The following WDR86 variants were observed in gnomAD, a reference collection of about 807,000 sequenced individuals.
The protein encoded by WDR86 is WD repeat domain 86.
A neutral mutation model predicts 36.5 loss-of-function variants in WDR86; 30 were observed. The ratio of observed to expected loss-of-function variants is 0.82; its 90% CI spans 0.61 to 1.11. The LOEUF (loss-of-function observed/expected upper bound fraction) is 1.11, where lower values mean the gene tolerates loss of function less well. Ranked by LOEUF, WDR86 falls within the 50% of genes most tolerant of loss-of-function variation. The pLI, the probability that WDR86 is intolerant of heterozygous loss-of-function variation, is 0.00. For synonymous variants in WDR86, 255 were observed against 252.9 expected (o/e 1.01, Z -0.08); for missense variants, 545 against 561.2 (o/e 0.97, Z 0.29).
chr7:151,380,419 G>A (rs200684174), downstream of WDR86, among the ~76,000 whole-genome samples: 1 of 64,582 alleles, frequency 1.5e-5, no homozygotes, highest in Non-Finnish European at 5.3e-5. Context: ...TCCACTTGAA[G>A]GGGCTGCTCC....
intron 2 of WDR86, among the ~76,000 whole-genome samples, chr7:151,399,768 A>G (rs7808253): frequency 0.7 from 106,491 of 152,162 alleles, 37,354 homozygotes; most frequent in East Asian, 0.8. Context: ...GCCATTTCCT[A>G]TGGAATTTGT....
rs745905715 is a variant in WDR86 at position 151,385,167 on chromosome 7, C to T, written c.783G>A (p.Leu261=). The T allele has an allele frequency of 1.9e-6, 3 of 1,613,084 alleles. No individual in the cohort carries two copies. Among genetic ancestry groups the T allele is most frequent in the African/African-American group, 1.3e-5 (1 of 74,944 alleles). The change falls in exon 4 of 6, where the codon CTG becomes CTA. Residue 261 remains leucine (L), a synonymous_variant. Transcript: ENST00000334493. ...GSADRTVKCW[L]ADTGECVRTF... is the part of the protein sequence containing the mutation. ...TGCGCACACACTCCCCTGTGTCTGC[C>T]AGCCAGCACTTGACGGTCCTGTCCG...
At position 151,409,974 on chromosome 7, in the gene WDR86, G is replaced by C. The variant is rs1584809380; in HGVS notation, c.-385C>G. 6.9e-6 allele frequency: 7 copies of C among 1,014,984 alleles called. No homozygotes were observed. In the South Asian group the frequency reaches 3.2e-4, roughly 47 times the overall value. 62.9% of individuals were successfully genotyped at this position (1,014,984 alleles called of 1,614,324 possible). ...CCTCTCGCGCCCACGGGGCTGGGGC[G>C]GGGAGAGGAACACGGGAAGCCGAGC... On this transcript the variant is annotated 5_prime_UTR_variant, in exon 1 of 6. Transcript: ENST00000334493. This position sits in a 1 kb window ranked among gnomAD's most constrained non-coding sequence, Gnocchi z 5.2.
intron 3 of WDR86, among the ~76,000 whole-genome samples, chr7:151,387,477 C>A (rs952686119): frequency 6.6e-6 from 1 of 152,144 alleles, no homozygotes; most frequent in Non-Finnish European, 1.5e-5. Flanking sequence ...TAGCTGGTTT[C>A]CTGACAGGAC....
At chr7:151,402,581 G>A (rs576312249) in intron 1 of WDR86, among the ~76,000 whole-genome samples, 7 of 152,332 alleles carry the variant, frequency 4.6e-5, no homozygotes, top group African/African-American at 7.2e-5. Context: ...TGCCCGTAGG[G>A]AGAACAGCGG....
chr7:151,386,208 C>T (rs988940963), intron 3 of WDR86, among the ~76,000 whole-genome samples: 7 of 152,326 alleles, frequency 4.6e-5, no homozygotes, highest in African/African-American at 1.4e-4. Flanking sequence ...ATCCCGAACA[C>T]GTCCCTCCTA....
rs1368167066 is a variant in WDR86 at position 151,390,100 on chromosome 7, T to C, written c.727-4877A>G. On this transcript the variant is annotated intron_variant, in intron 3 of 5. Coordinates refer to ENST00000334493, the MANE Select transcript of WDR86 (RefSeq NM_198285.3). This position sits in a 1 kb window ranked among gnomAD's most constrained non-coding sequence, Gnocchi z 4.5. Reference sequence around the variant, plus strand: ...AAAAGGATCCAAATGCAAGAGAGCGTGGGGTGTAATGGCCAGCCCTGGTGC... The same window carrying C: ...AAAAGGATCCAAATGCAAGAGAGCGCGGGGTGTAATGGCCAGCCCTGGTGC... Among the ~76,000 whole-genome samples the C allele has an allele frequency of 6.6e-6, 1 of 152,064 alleles. No homozygotes were observed. The highest frequency in any genetic ancestry group is 2.4e-5 in the African/African-American group (1 of 41,396).
At chr7:151,386,729 A>G (rs1799011423) in intron 3 of WDR86, among the ~76,000 whole-genome samples, 1 of 152,132 alleles carries the variant, frequency 6.6e-6, no homozygotes, top group Non-Finnish European at 1.5e-5. Flanking sequence ...ACAGTCTTCA[A>G]CAGCCCCTCT....
rs1371249069 is a variant in WDR86 at position 151,381,718 on chromosome 7, G to C, written c.995C>G (p.Ser332Trp). The change falls in exon 6 of 6, where the codon TCG (serine) becomes TGG (tryptophan). Residue 332 changes from serine to tryptophan, a missense_variant. Physicochemically the swap from Ser to Trp is radical, Grantham distance 177. Coordinates refer to ENST00000334493, the MANE Select transcript of WDR86 (RefSeq NM_198285.3). This position sits in a 1 kb window ranked among gnomAD's most constrained non-coding sequence, Gnocchi z 4.8. ...QVHGQVLYTA[S>W]HDGALRLWDV... ...CCAGAGGCGCAGGGCGCCGTCGTGC[G>C]AGGCGGTGTAGAGCACCTGGCCGTG... The C allele has an allele frequency of 6.7e-7, 1 of 1,498,246 alleles. No individual in the cohort carries two copies. The highest frequency in any genetic ancestry group is 1.5e-5 in the African/African-American group (1 of 68,848). The allele number at this position is 1,498,246 out of a possible 1,614,324, so 92.8% of individuals were successfully genotyped here.
intron 2 of WDR86, among the ~76,000 whole-genome samples, chr7:151,397,751 TGTAGCGGGAGGAAGAGGGC>T (rs1194267324): frequency 0.034 from 2,391 of 71,106 alleles, 4 homozygotes; most frequent in South Asian, 0.044. Context: ...AGGAAGAGGG[TGTAGCGGGAGGAAGAGGGC>T]GTAGCAGGAG....
chr7:151,397,828 CGGGAGGAAGGGCATAGCGGGAGGAA>C (rs1799976041), intron 2 of WDR86, among the ~76,000 whole-genome samples: 1 of 84,458 alleles, frequency 1.2e-5, no homozygotes. Context: ...GAGGGTGTAG[CGGGAGGAAGGGCATAGCGGGAGGAA>C]GGGTGTAGCG....
At position 151,409,776 on chromosome 7, in the gene WDR86, G is replaced by A. The variant is rs1801067808; in HGVS notation, c.-187C>T. 1 of 1,272,764 alleles carries A rather than the reference G, an allele frequency of 7.9e-7. No homozygotes were observed. Among genetic ancestry groups the A allele is most frequent in the Non-Finnish European group, 9.9e-7 (1 of 1,013,426 alleles). 78.8% of individuals were successfully genotyped at this position (1,272,764 alleles called of 1,614,324 possible). A position where few individuals can be genotyped will look rare whatever the true frequency, so the allele number is the denominator to read the frequency against. On this transcript the variant is annotated 5_prime_UTR_variant, in exon 1 of 6. Transcript: ENST00000334493. The surrounding 1 kb of genome is among the most constrained non-coding windows in gnomAD (Gnocchi z 5.2). ...TAGCTCCCCGCTGCCTCCAGCCTCTGGGCCCGCGAACCCAGGGCGCTGCGG... is the reference window on the plus strand; with the variant it reads ...TAGCTCCCCGCTGCCTCCAGCCTCTAGGCCCGCGAACCCAGGGCGCTGCGG...
chr7:151,376,478 C>T, downstream of WDR86: 1 of 724,336 alleles, frequency 1.4e-6, no homozygotes, highest in Non-Finnish European at 2.2e-6. Context: ...TTGCTCTACG[C>T]TCACATTGCA....
At chr7:151,404,963 C>A (rs1415492143) in intron 1 of WDR86, among the ~76,000 whole-genome samples, 4 of 152,202 alleles carry the variant, frequency 2.6e-5, no homozygotes, top group Non-Finnish European at 4.4e-5. Flanking sequence ...CAGCTTTAGA[C>A]AACGGACTGG....
rs1012112723 is a variant in WDR86 at position 151,401,520 on chromosome 7, C to T, written c.164-1279G>A. On this transcript the variant is annotated intron_variant, in intron 1 of 5. Coordinates refer to ENST00000334493, the MANE Select transcript of WDR86 (RefSeq NM_198285.3). The surrounding 1 kb of genome is among the most constrained non-coding windows in gnomAD (Gnocchi z 4.3). The stretch of plus-strand genomic sequence containing the variant: ...TGGGATGGGGACAATGCCTGCCTCA[C>T]GGGATGTAGCGCAGACTGAGGACAG... 3.3e-5 allele frequency among the ~76,000 whole-genome samples: 5 copies of T among 152,126 alleles called. 1 individual carries two copies. The highest frequency in any genetic ancestry group is 3.3e-4 in the Admixed American group (5 of 15,268).
intron 2 of WDR86, 23 bp downstream of exon 2, chr7:151,400,077 C>T: frequency 6.5e-7 from 1 of 1,538,812 alleles, no homozygotes; most frequent in Non-Finnish European, 8.8e-7. Context: ...TGAGACTCAG[C>T]CCAAGCCCCC....
rs542302330 is a variant in WDR86 at position 151,392,180 on chromosome 7, C to T, written c.726+3596G>A. 5.3e-5 allele frequency among the ~76,000 whole-genome samples: 8 copies of T among 152,268 alleles called. No homozygotes were observed. The East Asian group carries it at 1.4e-3, about 26-fold the overall frequency. On this transcript the variant is annotated intron_variant, in intron 3 of 5. Coordinates refer to ENST00000334493, the MANE Select transcript of WDR86 (RefSeq NM_198285.3). ...GGACCTCCCGGACCCCAGCTCTGATCGGGGCCCCCAGCCTATGCTGCAGCC... is the reference window on the plus strand; with the variant it reads ...GGACCTCCCGGACCCCAGCTCTGATTGGGGCCCCCAGCCTATGCTGCAGCC...
In WDR86 at chr7:151,381,985, C is replaced by A. The variant is rs759921125; in HGVS notation, c.863-4G>T. ...GCGTCCCCGCTGCCCGTGAACACTG[C>A]GGACACACAGCGCGCGCTGGGCCTC... On this transcript the variant is annotated splice_region_variant and splice_polypyrimidine_tract_variant and intron_variant, in intron 4 of 5. Coordinates refer to ENST00000334493, the MANE Select transcript of WDR86 (RefSeq NM_198285.3). This position sits in a 1 kb window ranked among gnomAD's most constrained non-coding sequence, Gnocchi z 4.8. 2 of 1,596,360 alleles carry A rather than the reference C, an allele frequency of 1.3e-6. No homozygotes were observed. The highest frequency in any genetic ancestry group is 2.7e-5 in the African/African-American group (2 of 74,702).
Position 151,400,210 on chromosome 7 carries a change from C to T in WDR86, c.195G>A (p.Leu65=). Reference sequence around the variant, plus strand: ...TGCATGTGAAGGCAGCCTCATCCTCCAGCTGGCAGAAGGTCACATAGCTTT... The same window carrying T: ...TGCATGTGAAGGCAGCCTCATCCTCTAGCTGGCAGAAGGTCACATAGCTTT... The part of the protein sequence containing the change: ...GHESYVTFCQ[L]EDEAAFTCSA... Residue 65 remains leucine, a synonymous_variant, in exon 2 of 6, where the codon CTG becomes CTA. Transcript: ENST00000334493. 3 of 1,610,922 alleles carry T rather than the reference C, an allele frequency of 1.9e-6. No homozygotes were observed. Among genetic ancestry groups the T allele is most frequent in the Admixed American group, 1.7e-5 (1 of 59,658 alleles).
Sources: allele counts gnomAD v4.1 joint callset (sites outside exome capture counted in the v4.1 genomes callset), GRCh38; gene constraint gnomAD v4.1.1; non-coding constraint Gnocchi (gnomAD v3.1); transcripts MANE v1.5; gene names NCBI Gene and HGNC (gene_info 2026-07-23, HGNC 2026-07-21).